Variants in VTCN1 observed in about 807,000 individuals in gnomAD.
VTCN1 encodes V-set domain-containing T-cell activation inhibitor 1.
VTCN1 carries 26 observed loss-of-function variants against 26.5 expected under a neutral mutation model. The observed-to-expected ratio is 0.98, with a 90% confidence interval of 0.72 to 1.36. The LOEUF (loss-of-function observed/expected upper bound fraction) is 1.36. Among genes scored for constraint, VTCN1 ranks in the 40% most tolerant of loss-of-function variants. VTCN1 has a pLI of 0.00. For missense variants in VTCN1, 298 were observed against 337.7 expected, an observed-to-expected ratio of 0.88 and a Z score of 0.92; for synonymous variants, 116 against 130.7, an observed-to-expected ratio of 0.89 and a Z score of 0.77.
chr1:117,149,416 T>C (rs985052070), intron 4 of VTCN1, among the ~76,000 whole-genome samples: 2 of 152,130 alleles, frequency 1.3e-5, no homozygotes, highest in Admixed American at 1.3e-4. Context: ...CTGTACATTA[T>C]TTTGTTTATG....
At chr1:117,173,471 G>T (rs1012699169) in intron 1 of VTCN1, among the ~76,000 whole-genome samples, 2 of 152,194 alleles carry the variant, frequency 1.3e-5, no homozygotes, top group African/African-American at 4.8e-5. Context: ...ATCTGGGAGA[G>T]AGATGCAATG....
At chr1:117,178,521 G>C (rs1055902587) in intron 1 of VTCN1, among the ~76,000 whole-genome samples, 3 of 150,364 alleles carry the variant, frequency 2.0e-5, no homozygotes, top group Non-Finnish European at 3.0e-5. Context: ...GCCTCCCAAA[G>C]TGCTGGGATT....
chr1:117,197,640 C>G (rs967474436), intron 1 of VTCN1, among the ~76,000 whole-genome samples: 4 of 152,138 alleles, frequency 2.6e-5, no homozygotes, highest in Non-Finnish European at 4.4e-5. Context: ...AGGGCTCTTG[C>G]GCCCCTTTGC....
intron 1 of VTCN1, 57 bp from the exon 2 acceptor site, chr1:117,170,228 C>T (rs1320173602): frequency 6.6e-7 from 1 of 1,504,490 alleles, no homozygotes; most frequent in Admixed American, 1.7e-5. Flanking sequence ...TGATGTGCTG[C>T]TTTGCAACTG....
intron 2 of VTCN1, among the ~76,000 whole-genome samples, chr1:117,160,158 G>C (rs569418657): frequency 1.3e-5 from 2 of 152,174 alleles, no homozygotes; most frequent in Non-Finnish European, 2.9e-5. Context: ...AGAAGTATGG[G>C]GGAGAGACCA....
chr1:117,209,411 G>A (rs1204899514), intron 1 of VTCN1, among the ~76,000 whole-genome samples: 1 of 152,206 alleles, frequency 6.6e-6, no homozygotes, highest in African/African-American at 2.4e-5. Flanking sequence ...GGCAGGAGCA[G>A]GGGCAAGGGT....
At chr1:117,189,104 G>A (rs1264514074) in intron 1 of VTCN1, among the ~76,000 whole-genome samples, 4 of 152,192 alleles carry the variant, frequency 2.6e-5, no homozygotes, top group South Asian at 4.2e-4. Context: ...CATGGATAAC[G>A]CATAGCAAAA....
chr1:117,174,600 CTACTAAAGA>C (rs1195547613), intron 1 of VTCN1, among the ~76,000 whole-genome samples: 4 of 152,164 alleles, frequency 2.6e-5, no homozygotes, highest in Non-Finnish European at 4.4e-5. Flanking sequence ...AACCCTGTCT[CTACTAAAGA>C]TACAAAAATT....
In VTCN1 at chr1:117,167,833, A is replaced by C. The variant is rs1346606349; in HGVS notation, c.97+2274T>G. On this transcript the variant is annotated intron_variant, in intron 2 of 5. Coordinates refer to ENST00000369458, the MANE Select transcript of VTCN1 (RefSeq NM_024626.4). This position sits in a 1 kb window ranked among gnomAD's most constrained non-coding sequence, Gnocchi z 4.1. ...ATAAAGATAAAAGCCAAAATTAGTA[A>C]AATAGGAATACAGATCAGAGAAAAT... Among the ~76,000 whole-genome samples the C allele has an allele frequency of 1.3e-5, 2 of 152,230 alleles. No homozygotes were observed. Among genetic ancestry groups the C allele is most frequent in the Non-Finnish European group, 2.9e-5 (2 of 68,036 alleles).
chr1:117,195,175 T>C (rs540691686), intron 1 of VTCN1, among the ~76,000 whole-genome samples: 12 of 151,684 alleles, frequency 7.9e-5, no homozygotes, highest in Non-Finnish European at 1.8e-4. Flanking sequence ...GACAGGAGAA[T>C]TGTTTCAACC....
At chr1:117,203,761 G>A in intron 1 of VTCN1, 1 of 985,404 alleles carries the variant, frequency 1.0e-6, no homozygotes, top group South Asian at 4.7e-5. Context: ...GTGCTTTTCT[G>A]GAGGAATCAG....
intron 2 of VTCN1, among the ~76,000 whole-genome samples, chr1:117,165,110 C>G (rs1475315235): frequency 6.6e-6 from 1 of 152,228 alleles, no homozygotes; most frequent in Non-Finnish European, 1.5e-5. Context: ...CACTACAACT[C>G]TGTGTGAACG....
intron 1 of VTCN1, among the ~76,000 whole-genome samples, chr1:117,172,078 C>G (rs556556342): frequency 6.6e-6 from 1 of 152,350 alleles, no homozygotes; most frequent in African/African-American, 2.4e-5. Context: ...CAGCCGCCCG[C>G]TCACACGGCT....
intron 1 of VTCN1, among the ~76,000 whole-genome samples, chr1:117,181,143 G>A (rs1394292226): frequency 1.3e-5 from 2 of 152,008 alleles, no homozygotes; most frequent in African/African-American, 2.4e-5. Context: ...TTGGCTAGGA[G>A]TGGTGGTTCA....
rs1651545281 is a variant in VTCN1, at chr1:117,146,969, A to C, written c.*45+644T>G. Among the ~76,000 whole-genome samples the C allele has an allele frequency of 6.6e-6, 1 of 152,156 alleles. No individual in the cohort carries two copies. Among genetic ancestry groups the C allele is most frequent in the Non-Finnish European group, 1.5e-5 (1 of 68,024 alleles). On this transcript the variant is annotated intron_variant, in intron 5 of 5. Transcript: ENST00000369458. The surrounding 1 kb of genome is among the most constrained non-coding windows in gnomAD (Gnocchi z 4.2). ...AATGTGATAGGTAGGGGTTGATAAG[A>C]AATTGACATGCGGGACAGAGGGGAG... is the stretch of plus-strand genomic sequence containing the variant.
At chr1:117,182,226 A>G (rs950904406) in intron 1 of VTCN1, among the ~76,000 whole-genome samples, 3 of 152,140 alleles carry the variant, frequency 2.0e-5, no homozygotes, top group Admixed American at 2.0e-4. Flanking sequence ...GTCATCCACT[A>G]TCTTTATTTT....
chr1:117,191,263 C>T (rs1648231009), intron 1 of VTCN1, among the ~76,000 whole-genome samples: 1 of 152,140 alleles, frequency 6.6e-6, no homozygotes, highest in Admixed American at 6.6e-5. Flanking sequence ...GTAAAGAAAG[C>T]ACAGAAGACT....
At position 117,155,734 on chromosome 1, in the gene VTCN1, T is replaced by A. The variant is rs1463155779; in HGVS notation, c.445+840A>T. Among the ~76,000 whole-genome samples, 2 of 152,160 alleles carry A rather than the reference T, an allele frequency of 1.3e-5. No homozygotes were observed. Among genetic ancestry groups the A allele is most frequent in the Non-Finnish European group, 2.9e-5 (2 of 68,034 alleles). On this transcript the variant is annotated intron_variant, in intron 3 of 5. Transcript: ENST00000369458. The surrounding 1 kb of genome is among the most constrained non-coding windows in gnomAD (Gnocchi z 4.8). The stretch of plus-strand genomic sequence containing the variant: ...TTATGAGGTGTGCAAGAAAGACCTG[T>A]GCATACTAGTTTAGGCTGGAAAGGC...
At chr1:117,181,716 G>A (rs1647679605) in intron 1 of VTCN1, among the ~76,000 whole-genome samples, 1 of 152,182 alleles carries the variant, frequency 6.6e-6, no homozygotes, top group South Asian at 2.1e-4. Flanking sequence ...TGGCACTAAG[G>A]TTTGAGACAG....
Sources: allele counts gnomAD v4.1 joint callset (sites outside exome capture counted in the v4.1 genomes callset), GRCh38; gene constraint gnomAD v4.1.1; non-coding constraint Gnocchi (gnomAD v3.1); transcripts MANE v1.5; gene names NCBI Gene and HGNC (gene_info 2026-07-23, HGNC 2026-07-21).